Variants in TSHZ2 observed in about 807,000 individuals in gnomAD.
The protein encoded by TSHZ2 is teashirt homolog 2.
TSHZ2 carries 21 observed loss-of-function variants against 74.4 expected under a neutral mutation model. That is an observed-to-expected ratio of 0.28 (90% CI 0.20 to 0.41). The LOEUF (loss-of-function observed/expected upper bound fraction) is 0.41, where lower values mean the gene tolerates loss of function less well. Ranked by LOEUF, TSHZ2 falls within the 10% of genes least tolerant of loss-of-function variation. TSHZ2 has a pLI of 1.00. For synonymous variants in TSHZ2, 540 were observed against 515.3 expected, an observed-to-expected ratio of 1.05 and a Z score of -0.65; for missense variants, 1,244 against 1,293.5, an observed-to-expected ratio of 0.96 and a Z score of 0.59.
rs117253251 is a variant in TSHZ2 at position 53,066,828 on chromosome 20, C to T, written c.40+93495C>T. Among the ~76,000 whole-genome samples, 161 of 152,212 alleles carry T rather than the reference C, an allele frequency of 1.1e-3. 1 individual carries two copies. Among genetic ancestry groups the T allele is most frequent in the Non-Finnish European group, 1.7e-3 (114 of 68,002 alleles). ...TATTTTTTTAAATGCTAGGATGTCT[C>T]CTTATGAAGTCCCCAAACCAAGACT... On this transcript the variant is annotated intron_variant, in intron 1 of 2. Coordinates refer to ENST00000371497, the MANE Select transcript of TSHZ2 (RefSeq NM_173485.6).
chr20:52,975,122 G>C (rs1305984489), intron 1 of TSHZ2, among the ~76,000 whole-genome samples: 1 of 152,136 alleles, frequency 6.6e-6, no homozygotes, highest in Non-Finnish European at 1.5e-5. Context: ...CAGTGAGCCT[G>C]CTGCATCTAG....
intron 1 of TSHZ2, among the ~76,000 whole-genome samples, chr20:53,225,659 G>C (rs958454286): frequency 2.0e-5 from 3 of 152,202 alleles, no homozygotes; most frequent in Non-Finnish European, 4.4e-5. Context: ...TACAGCCGAA[G>C]AAACTGGTAC....
intron 1 of TSHZ2, among the ~76,000 whole-genome samples, chr20:53,154,085 T>C (rs555666732): frequency 1.3e-5 from 2 of 152,356 alleles, no homozygotes; most frequent in East Asian, 3.9e-4. Context: ...ATAAATGCTA[T>C]CTTTTAACAG....
intron 1 of TSHZ2, among the ~76,000 whole-genome samples, chr20:52,973,756 G>A (rs1981220298): frequency 6.6e-6 from 1 of 152,158 alleles, no homozygotes; most frequent in African/African-American, 2.4e-5. Context: ...CTGGGGCTTG[G>A]GGCGCTGAAG....
At chr20:53,152,771 G>A (rs1600714419) in intron 1 of TSHZ2, among the ~76,000 whole-genome samples, 1 of 152,284 alleles carries the variant, frequency 6.6e-6, no homozygotes, top group East Asian at 1.9e-4. Flanking sequence ...TGTCTGATTG[G>A]AATGACAGGT....
intron 2 of TSHZ2, among the ~76,000 whole-genome samples, chr20:53,428,946 C>T (rs1983746275): frequency 6.6e-6 from 1 of 152,160 alleles, no homozygotes; most frequent in South Asian, 2.1e-4. Flanking sequence ...CACATTGCTC[C>T]AGGTAGATGG....
intron 1 of TSHZ2, chr20:53,178,918 T>C (rs1988407329): frequency 6.6e-6 from 1 of 152,236 alleles, no homozygotes; most frequent in Non-Finnish European, 1.5e-5. Context: ...GAAGTAGTAA[T>C]GTAAGATCTT....
chr20:53,371,129 C>T (rs1981454602), intron 2 of TSHZ2, among the ~76,000 whole-genome samples: 1 of 152,164 alleles, frequency 6.6e-6, no homozygotes, highest in African/African-American at 2.4e-5. Context: ...GGGCCTACCT[C>T]ATCTTAACTG....
intron 1 of TSHZ2, among the ~76,000 whole-genome samples, chr20:53,017,887 T>TG (rs1983098962): frequency 6.6e-6 from 1 of 152,224 alleles, no homozygotes; most frequent in South Asian, 2.1e-4. Context: ...ATAGACTATG[T>TG]AACTTTCATG....
chr20:53,330,748 T>A (rs1979691893), intron 2 of TSHZ2, among the ~76,000 whole-genome samples: 1 of 152,210 alleles, frequency 6.6e-6, no homozygotes, highest in South Asian at 2.1e-4. Flanking sequence ...TGACAGAGCT[T>A]TGATAAGGTC....
chr20:53,295,856 A>G (rs1991368185), intron 2 of TSHZ2, among the ~76,000 whole-genome samples: 1 of 152,164 alleles, frequency 6.6e-6, no homozygotes, highest in Non-Finnish European at 1.5e-5. Context: ...TTTGGAGCAT[A>G]GAAGAAAATT....
Position 52,973,320 on chromosome 20 carries a change from C to T in TSHZ2, c.27C>T (p.Pro9=), listed in dbSNP as rs199549674. 1.7e-5 allele frequency: 27 copies of T among 1,552,610 alleles called. No homozygotes were observed. In the East Asian group the frequency reaches 4.8e-4, roughly 28 times the overall value. Residue 9 remains proline, a synonymous_variant, in exon 1 of 3, where the codon CCC becomes CCT. Coordinates refer to ENST00000371497, the MANE Select transcript of TSHZ2 (RefSeq NM_173485.6). ...TGCCGAGGAGAAAACAGCAGGCACC[C>T]AAGCGGGCGGCAGGTAAGAGAAACG... MPRRKQQA[P]KRAAGYAQEE...
intron 1 of TSHZ2, among the ~76,000 whole-genome samples, chr20:53,032,644 G>C (rs1335608370): frequency 6.6e-6 from 1 of 152,116 alleles, no homozygotes; most frequent in Non-Finnish European, 1.5e-5. Context: ...CAGACCCCGG[G>C]GAAAAATCAT....
At chr20:53,404,260 A>T (rs1183718701) in intron 2 of TSHZ2, among the ~76,000 whole-genome samples, 1 of 152,170 alleles carries the variant, frequency 6.6e-6, no homozygotes, top group Non-Finnish European at 1.5e-5. Context: ...AATGGAGTTG[A>T]CCTTATATTC....
At chr20:53,262,178 A>G (rs1990614897) in intron 2 of TSHZ2, among the ~76,000 whole-genome samples, 1 of 152,114 alleles carries the variant, frequency 6.6e-6, no homozygotes, top group Non-Finnish European at 1.5e-5. Context: ...GAGAAAAAGA[A>G]GTCATAATGA....
intron 2 of TSHZ2, among the ~76,000 whole-genome samples, chr20:53,360,489 C>G (rs79134335): frequency 0.014 from 2,066 of 152,318 alleles, 55 homozygotes; most frequent in African/African-American, 0.047. Context: ...CAGACAAGGT[C>G]TACTCTTGAA....
intron 1 of TSHZ2, among the ~76,000 whole-genome samples, chr20:53,060,733 T>C (rs1041292499): frequency 4.6e-5 from 7 of 152,206 alleles, no homozygotes; most frequent in Non-Finnish European, 5.9e-5. Flanking sequence ...AAGTGTTTTT[T>C]CATAAAAGTG....
intron 2 of TSHZ2, among the ~76,000 whole-genome samples, chr20:53,387,454 G>C (rs531463826): frequency 6.6e-6 from 1 of 152,152 alleles, no homozygotes; most frequent in African/African-American, 2.4e-5. Context: ...GTAAAGGCTC[G>C]GGTACCTGTT....
intron 2 of TSHZ2, among the ~76,000 whole-genome samples, chr20:53,258,081 T>C (rs531618545): frequency 1.9e-4 from 29 of 152,300 alleles, no homozygotes; most frequent in African/African-American, 6.3e-4. Context: ...GATCTACGCT[T>C]CTGATGGAGA....
Sources: allele counts gnomAD v4.1 joint callset (sites outside exome capture counted in the v4.1 genomes callset), GRCh38; gene constraint gnomAD v4.1.1; transcripts MANE v1.5; gene names NCBI Gene and HGNC (gene_info 2026-07-23, HGNC 2026-07-21).